The following PICALM variants were observed in gnomAD, a reference collection of about 807,000 sequenced individuals.
PICALM encodes the protein phosphatidylinositol-binding clathrin assembly protein.
In PICALM, 40 loss-of-function variants were observed where a neutral mutation model predicts 80.5. The ratio of observed to expected loss-of-function variants is 0.50; its 90% CI spans 0.39 to 0.65. The LOEUF is 0.65. PICALM is among the 30% of genes least tolerant of loss of function. The pLI, the probability that PICALM is intolerant of heterozygous loss-of-function variation, is 0.00. For synonymous variants in PICALM, 288 were observed against 260.3 expected, an observed-to-expected ratio of 1.11 and a Z score of -1.02; for missense variants, 676 against 778.9, an observed-to-expected ratio of 0.87 and a Z score of 1.57.
At chr11:85,970,459 T>G (rs2135476787) in intron 19 of PICALM, among the ~76,000 whole-genome samples, 1 of 152,338 alleles carries the variant, frequency 6.6e-6, no homozygotes, top group South Asian at 2.1e-4. Context: ...GGAGGCTTCA[T>G]GAGGTTGTTT....
intron 19 of PICALM, among the ~76,000 whole-genome samples, chr11:85,972,025 T>C (rs1222541801): frequency 1.3e-5 from 2 of 152,052 alleles, no homozygotes; most frequent in Non-Finnish European, 2.9e-5. Flanking sequence ...TCAGGTGATC[T>C]ACTCACCTTG....
intron 1 of PICALM, among the ~76,000 whole-genome samples, chr11:86,044,091 G>C (rs760670237): frequency 2.6e-5 from 4 of 152,180 alleles, no homozygotes; most frequent in Non-Finnish European, 4.4e-5. Context: ...ATATACAATA[G>C]TGGACAAAGT....
chr11:86,068,525 G>C lies in PICALM; in HGVS notation c.130+126C>G, dbSNP rs1470953472. 7.0e-6 allele frequency: 6 copies of C among 860,332 alleles called. No individual in the cohort carries two copies. In the South Asian group the frequency reaches 7.0e-5, roughly 10 times the overall value. The allele number at this position is 860,332 out of a possible 1,614,324, so 53.3% of individuals were successfully genotyped here. ...AACACAGCTCAACGGGCACAGGACC[G>C]GCCGTGCCAGAGAAGACGCAGGGAG... On this transcript the variant is annotated intron_variant, in intron 1 of 19. Transcript: ENST00000393346.
At chr11:86,056,470 C>G (rs1315075881) in intron 1 of PICALM, among the ~76,000 whole-genome samples, 1 of 151,584 alleles carries the variant, frequency 6.6e-6, no homozygotes, top group Non-Finnish European at 1.5e-5. Context: ...CACTTCACAC[C>G]CACTAGGATG....
At chr11:86,052,606 A>T (rs986399501) in intron 1 of PICALM, among the ~76,000 whole-genome samples, 5 of 152,232 alleles carry the variant, frequency 3.3e-5, no homozygotes, top group African/African-American at 7.2e-5. Flanking sequence ...CAAAAACTTG[A>T]AGCAGCAAAA....
chr11:86,062,518 C>CAA (rs201512372), intron 1 of PICALM, among the ~76,000 whole-genome samples: 1 of 123,344 alleles, frequency 8.1e-6, no homozygotes, highest in Non-Finnish European at 1.7e-5. Flanking sequence ...AACTCCGTCT[C>CAA]AAAAAAAAAA....
At chr11:86,066,133 G>A (rs906017162) in intron 1 of PICALM, among the ~76,000 whole-genome samples, 1 of 152,132 alleles carries the variant, frequency 6.6e-6, no homozygotes, top group South Asian at 2.1e-4. Flanking sequence ...AGTTCATGAT[G>A]TCAACACCAT....
intron 4 of PICALM, among the ~76,000 whole-genome samples, chr11:86,015,861 G>A (rs1018266760): frequency 6.6e-6 from 1 of 152,106 alleles, no homozygotes; most frequent in Non-Finnish European, 1.5e-5. Flanking sequence ...TCTACCCTAC[G>A]ATAAACCATG....
rs913214063 is a variant in PICALM, at chr11:86,016,881, G to A, written c.453-1918C>T. 6.6e-5 allele frequency among the ~76,000 whole-genome samples: 10 copies of A among 152,086 alleles called. No individual in the cohort carries two copies. In the South Asian group the frequency reaches 1.7e-3, roughly 25 times the overall value. ...ATTCTGGAACAGAAAATAACAAAAA[G>A]CAATTGTCTGGTCTTCTTGCCACCC... On this transcript the variant is annotated intron_variant, in intron 4 of 19. Transcript: ENST00000393346.
intron 4 of PICALM, 146 bp from the exon 5 acceptor site, chr11:86,015,109 T>C (rs1047379994): frequency 3.2e-5 from 19 of 591,112 alleles, no homozygotes; most frequent in Admixed American, 1.5e-4. Context: ...ACATGAAAAC[T>C]GAAGCAGAGA....
chr11:86,002,044 A>T (rs2095159564), intron 9 of PICALM, among the ~76,000 whole-genome samples: 1 of 152,224 alleles, frequency 6.6e-6, no homozygotes, highest in African/African-American at 2.4e-5. Context: ...AAAAAGGTAC[A>T]ATTCAGAAGA....
rs1461153327 is a variant in PICALM, at chr11:85,981,880, A to T, written c.1640T>A (p.Leu547His). Reference sequence around the variant, plus strand: ...ATCCAAAGACTACTTACTGCCCACAAGGTTGGCTAAAGATGAATCCAAGTC... The same window carrying T: ...ATCCAAAGACTACTTACTGCCCACATGGTTGGCTAAAGATGAATCCAAGTC... ...SDDLDSSLAN[L>H]VGNLGIGNGT... is the part of the protein sequence containing the mutation. The change falls in exon 15 of 20, where the codon CTT (leucine) becomes CAT (histidine). Residue 547 changes from leucine to histidine, a missense_variant. By Grantham distance (99) the Leu-to-His change is moderately conservative. This residue lies in a region of PICALM where 391 missense variants were observed against 383.6 expected (regional missense o/e 1.02). Transcript: ENST00000393346. 1 of 1,613,872 alleles carries T rather than the reference A, an allele frequency of 6.2e-7. No individual in the cohort carries two copies. The highest frequency in any genetic ancestry group is 8.5e-7 in the Non-Finnish European group (1 of 1,179,748).
chr11:85,973,495 G>A (rs761141610), intron 19 of PICALM, among the ~76,000 whole-genome samples: 2 of 152,080 alleles, frequency 1.3e-5, no homozygotes, highest in Non-Finnish European at 2.9e-5. Flanking sequence ...ACAGTACACT[G>A]TTACTGTTCT....
intron 13 of PICALM, among the ~76,000 whole-genome samples, chr11:85,986,411 T>G (rs975964011): frequency 8.3e-6 from 1 of 120,140 alleles, no homozygotes; most frequent in Non-Finnish European, 1.6e-5. Flanking sequence ...TGAGACGGAG[T>G]CTCGCTCTGT....
At position 86,007,524 on chromosome 11, in the gene PICALM, T is replaced by A. The variant is rs894991706; in HGVS notation, c.807+18A>T. On this transcript the variant is annotated intron_variant, in intron 8 of 19. Coordinates refer to ENST00000393346, the MANE Select transcript of PICALM (RefSeq NM_007166.4). ...GTACACAACAGATAGTGGATTGGTA[T>A]TTTAACAATAAACTTACCTGTGAAA... The A allele has an allele frequency of 5.6e-6, 8 of 1,433,800 alleles. No individual in the cohort carries two copies. The African/African-American group carries it at 1.1e-4, about 20-fold the overall frequency. 88.8% of individuals were successfully genotyped at this position (1,433,800 alleles called of 1,614,324 possible).
chr11:85,966,903 G>A (rs2093919820), intron 19 of PICALM, among the ~76,000 whole-genome samples: 1 of 152,232 alleles, frequency 6.6e-6, no homozygotes, highest in African/African-American at 2.4e-5. Flanking sequence ...AGAAAATTCA[G>A]AGGGAGCATG....
At chr11:86,030,992 C>T (rs1333816689) in intron 2 of PICALM, among the ~76,000 whole-genome samples, 8 of 152,146 alleles carry the variant, frequency 5.3e-5, no homozygotes, top group Non-Finnish European at 8.8e-5. Flanking sequence ...GTAGCACACA[C>T]TTGTAATCCC....
intron 3 of PICALM, chr11:86,023,586 G>A: frequency 1.0e-5 from 10 of 984,056 alleles, no homozygotes; most frequent in Non-Finnish European, 1.2e-5. Flanking sequence ...CACTAGAATT[G>A]CTTAATTTCC....
chr11:86,065,436 C>G (rs1047569296), intron 1 of PICALM, among the ~76,000 whole-genome samples: 4 of 147,846 alleles, frequency 2.7e-5, no homozygotes, highest in Non-Finnish European at 4.5e-5. Context: ...AGCGAGACTC[C>G]GTCTCAAAAA....
Sources: allele counts gnomAD v4.1 joint callset (sites outside exome capture counted in the v4.1 genomes callset), GRCh38; gene constraint gnomAD v4.1.1; regional missense constraint gnomAD v4.1.1; transcripts MANE v1.5; gene names NCBI Gene and HGNC (gene_info 2026-07-23, HGNC 2026-07-21).